Variants in ABI1 observed in about 807,000 individuals in gnomAD.
ABI1 encodes the protein Abelson interactor 1.
A neutral mutation model predicts 54.6 loss-of-function variants in ABI1; 14 were observed. The observed-to-expected ratio is 0.26, with a 90% CI of 0.17 to 0.40. The LOEUF is 0.40. ABI1 is among the 10% of genes least tolerant of loss of function. The pLI is 1.00. For synonymous variants in ABI1, 194 were observed against 209.3 expected, an observed-to-expected ratio of 0.93 and a Z score of 0.63; for missense variants, 443 against 598.3, an observed-to-expected ratio of 0.74 and a Z score of 2.71.
chr10:26,758,751 AAT>A (rs1838704947), intron 8 of ABI1, among the ~76,000 whole-genome samples: 1 of 152,218 alleles, frequency 6.6e-6, no homozygotes, highest in Non-Finnish European at 1.5e-5. Flanking sequence ...TTATTTCTGC[AAT>A]GTTTTTGTTC....
At chr10:26,764,165 G>A (rs1839608145) in intron 7 of ABI1, among the ~76,000 whole-genome samples, 1 of 152,138 alleles carries the variant, frequency 6.6e-6, no homozygotes, top group Non-Finnish European at 1.5e-5. Context: ...ATGTTTATAA[G>A]TGGCTTTTTC....
intron 3 of ABI1, 91 bp from the exon 4 acceptor site, chr10:26,771,180 C>T (rs1423920506): frequency 1.5e-6 from 2 of 1,374,872 alleles, no homozygotes; most frequent in Non-Finnish European, 2.1e-6. Flanking sequence ...TACAGTTACT[C>T]AATTCATGTT....
chr10:26,850,944 A>G (rs1252469822), intron 1 of ABI1, among the ~76,000 whole-genome samples: 1 of 152,210 alleles, frequency 6.6e-6, no homozygotes, highest in Non-Finnish European at 1.5e-5. Flanking sequence ...AATACTTAAT[A>G]GTAACAGAGA....
At chr10:26,791,950 T>C (rs960773315) in intron 2 of ABI1, among the ~76,000 whole-genome samples, 13 of 152,206 alleles carry the variant, frequency 8.5e-5, no homozygotes, top group African/African-American at 1.9e-4. Context: ...ACTATGTATA[T>C]GTAATACGGA....
intron 7 of ABI1, among the ~76,000 whole-genome samples, chr10:26,761,857 C>T (rs1839277766): frequency 6.6e-6 from 1 of 151,156 alleles, no homozygotes; most frequent in Non-Finnish European, 1.5e-5. Flanking sequence ...GTAAATATAT[C>T]ATAATTTATT....
At chr10:26,795,099 G>T (rs991083531) in intron 2 of ABI1, among the ~76,000 whole-genome samples, 2 of 148,766 alleles carry the variant, frequency 1.3e-5, no homozygotes, top group African/African-American at 5.0e-5. Context: ...AGCCAAGATC[G>T]CACCACTGCA....
intron 5 of ABI1, among the ~76,000 whole-genome samples, chr10:26,769,344 C>T (rs3818409): frequency 0.42 from 63,491 of 151,948 alleles, 15,447 homozygotes; most frequent in African/African-American, 0.69. Flanking sequence ...GTTCTTTAAA[C>T]AGGAAGCTAA....
chr10:26,817,557 C>T (rs1361807364), intron 2 of ABI1, among the ~76,000 whole-genome samples: 5 of 151,930 alleles, frequency 3.3e-5, no homozygotes, highest in Non-Finnish European at 5.9e-5. Flanking sequence ...GGATCACTTG[C>T]GGATGGAGAG....
At chr10:26,776,833 T>C (rs1841464436) in intron 3 of ABI1, 7 of 375,700 alleles carry the variant, frequency 1.9e-5, no homozygotes, top group African/African-American at 6.2e-5. Context: ...AATATTTGTC[T>C]AGGATTTATG....
chr10:26,786,713 A>G (rs1842773057), intron 2 of ABI1, among the ~76,000 whole-genome samples: 1 of 152,036 alleles, frequency 6.6e-6, no homozygotes, highest in African/African-American at 2.4e-5. Flanking sequence ...TCTCCCGAAC[A>G]CTCATTCTCT....
chr10:26,840,068 G>A (rs182278009), intron 1 of ABI1, among the ~76,000 whole-genome samples: 4 of 152,140 alleles, frequency 2.6e-5, no homozygotes, highest in East Asian at 1.9e-4. Context: ...TCCTTCCATC[G>A]ATTGTATTTC....
chr10:26,771,117 A>C, intron 3 of ABI1, 28 bp from the exon 4 acceptor site: 1 of 1,612,890 alleles, frequency 6.2e-7, no homozygotes, highest in Non-Finnish European at 8.5e-7. Flanking sequence ...AAGGGGGGGA[A>C]AAAGTAGACA....
chr10:26,858,895 T>G (rs1280101877), intron 1 of ABI1, among the ~76,000 whole-genome samples: 1 of 152,228 alleles, frequency 6.6e-6, no homozygotes, highest in Non-Finnish European at 1.5e-5. Flanking sequence ...CACCCCTGTA[T>G]GAAGCACTTA....
intron 2 of ABI1, chr10:26,790,563 T>C (rs115466862): frequency 4.4e-4 from 67 of 152,230 alleles, no homozygotes; most frequent in African/African-American, 1.5e-3. Flanking sequence ...ACTTCATGAA[T>C]TTGCATGTCA....
At chr10:26,761,784 T>C (rs1839266182) in intron 7 of ABI1, among the ~76,000 whole-genome samples, 1 of 151,312 alleles carries the variant, frequency 6.6e-6, no homozygotes, top group African/African-American at 2.4e-5. Flanking sequence ...GATAATATTT[T>C]CAAAAATTCA....
At chr10:26,786,116 C>G (rs1053225831) in intron 2 of ABI1, among the ~76,000 whole-genome samples, 2 of 152,174 alleles carry the variant, frequency 1.3e-5, no homozygotes. Context: ...CATATTCTGA[C>G]CACCCCCATC....
intron 2 of ABI1, among the ~76,000 whole-genome samples, chr10:26,787,974 C>A (rs960030204): frequency 6.6e-6 from 1 of 152,000 alleles, no homozygotes; most frequent in African/African-American, 2.4e-5. Context: ...ACTAAAATTT[C>A]ATTTTGCTTA....
At chr10:26,841,399 CTTTT>C (rs34398117) in intron 1 of ABI1, among the ~76,000 whole-genome samples, 14 of 140,300 alleles carry the variant, frequency 1.0e-4, no homozygotes, top group East Asian at 2.0e-4. Context: ...ACATAGTTAC[CTTTT>C]TTTTTTTTTT....
chr10:26,770,182 G>A, intron 5 of ABI1, 63 bp downstream of exon 5: 2 of 1,384,052 alleles, frequency 1.4e-6, no homozygotes, highest in Non-Finnish European at 2.1e-6. Flanking sequence ...ACTTACTTAA[G>A]TCACAGAAAC....
Sources: allele counts gnomAD v4.1 joint callset (sites outside exome capture counted in the v4.1 genomes callset), GRCh38; gene constraint gnomAD v4.1.1; transcripts MANE v1.5; gene names NCBI Gene and HGNC (gene_info 2026-07-23, HGNC 2026-07-21).